The following C13orf42 variants were observed in gnomAD, a reference collection of about 807,000 sequenced individuals.
C13orf42 encodes the protein chromosome 13 open reading frame 42.
chr13:51,168,780 G>T (rs1482523315), intron 1 of C13orf42, among the ~76,000 whole-genome samples: 1 of 152,134 alleles, frequency 6.6e-6, no homozygotes, highest in African/African-American at 2.4e-5. Flanking sequence ...GGATCATGGG[G>T]GCAGACTTTC....
chr13:51,095,595 T>C (rs1054614947), intron 1 of C13orf42, among the ~76,000 whole-genome samples: 1 of 152,058 alleles, frequency 6.6e-6, no homozygotes, highest in African/African-American at 2.4e-5. Flanking sequence ...TTTGGACCCA[T>C]CTTCAAGTCT....
chr13:51,090,896 C>A (rs1417664604), intron 1 of C13orf42, among the ~76,000 whole-genome samples: 1 of 152,200 alleles, frequency 6.6e-6, no homozygotes, highest in Non-Finnish European at 1.5e-5. Context: ...AAAACATTAG[C>A]ATAGAAATCA....
chr13:51,146,899 G>A (rs2138034932), intron 1 of C13orf42, among the ~76,000 whole-genome samples: 1 of 152,222 alleles, frequency 6.6e-6, no homozygotes, highest in East Asian at 1.9e-4. Flanking sequence ...CTCTATCTCA[G>A]TGTCTGTCTG....
intron 1 of C13orf42, among the ~76,000 whole-genome samples, chr13:51,153,015 T>C (rs953974105): frequency 1.3e-5 from 2 of 152,206 alleles, no homozygotes; most frequent in Non-Finnish European, 2.9e-5. Flanking sequence ...GGGGACTGTA[T>C]ACAGTGCACT....
chr13:51,119,196 C>T (rs1465390273), intron 1 of C13orf42, among the ~76,000 whole-genome samples: 2 of 151,970 alleles, frequency 1.3e-5, no homozygotes, highest in Non-Finnish European at 2.9e-5. Context: ...GTGTATGGCA[C>T]GCCCTGTGGC....
At chr13:51,112,897 G>C (rs1482558417), upstream of C13orf42, among the ~76,000 whole-genome samples, 1 of 152,056 alleles carries the variant, frequency 6.6e-6, no homozygotes, top group Non-Finnish European at 1.5e-5. Flanking sequence ...GTATCCAGGG[G>C]AAGTCTCTCT....
chr13:51,169,735 C>T (rs1310380820), intron 1 of C13orf42, among the ~76,000 whole-genome samples: 1 of 152,230 alleles, frequency 6.6e-6, no homozygotes, highest in South Asian at 2.1e-4. Context: ...TAAGCCTTGG[C>T]AGCTTCCATG....
At chr13:51,129,676 C>T (rs750434913) in intron 1 of C13orf42, among the ~76,000 whole-genome samples, 22 of 152,104 alleles carry the variant, frequency 1.4e-4, no homozygotes, top group Admixed American at 7.9e-4. Flanking sequence ...TGTTTATCTC[C>T]TCTATAAAGT....
At chr13:51,104,141 G>A (rs142061350) in intron 1 of C13orf42, among the ~76,000 whole-genome samples, 115 of 152,240 alleles carry the variant, frequency 7.6e-4, no homozygotes, top group African/African-American at 2.7e-3. Flanking sequence ...GAGGGTCCAC[G>A]ATCTTTTAAG....
rs559225209 is a variant in C13orf42 at position 51,161,805 on chromosome 13, C to T, written n.136+10448G>A. 17 of 338,928 alleles carry T rather than the reference C, an allele frequency of 5.0e-5. No homozygotes were observed. The East Asian group carries it at 1.0e-3, about 20-fold the overall frequency. The allele number at this position is 338,928 out of a possible 1,614,324, so 21.0% of individuals were successfully genotyped here. ...GATTTCAGAACCATAACCAGGGAAT[C>T]GTTAGGCACTGTGAGGGATAGAGAA... On this transcript the variant is annotated intron_variant and non_coding_transcript_variant, in intron 1 of 4. Coordinates refer to the C13orf42 transcript ENST00000433280.
chr13:51,086,183 C>T (rs1953122906), intron 2 of C13orf42, among the ~76,000 whole-genome samples: 1 of 151,694 alleles, frequency 6.6e-6, no homozygotes, highest in African/African-American at 2.4e-5. Flanking sequence ...GGTGAGCGCC[C>T]GTAGTCCCAG....
intron 2 of C13orf42, among the ~76,000 whole-genome samples, chr13:51,086,164 G>A (rs991524033): frequency 6.6e-5 from 10 of 151,984 alleles, no homozygotes; most frequent in African/African-American, 1.4e-4. Context: ...AAAATTAGCC[G>A]GGCGTGGTGG....
In C13orf42 at chr13:51,095,426, AC is replaced by A. The variant is rs572744949; in HGVS notation, c.415-7352del. 3.3e-5 allele frequency among the ~76,000 whole-genome samples: 5 copies of A among 150,306 alleles called. No homozygotes were observed. The South Asian group carries it at 1.1e-3, about 32-fold the overall frequency. On this transcript the variant is annotated intron_variant, in intron 1 of 3. Coordinates refer to ENST00000563710, the MANE Select transcript of C13orf42 (RefSeq NM_001351589.3). ...CATTGTTCCCTCAAATATTTCTCATACCCCCCTCTCTATTTCTTCTTCTCTG... is the reference window on the plus strand; with the variant it reads ...CATTGTTCCCTCAAATATTTCTCATACCCCCTCTCTATTTCTTCTTCTCTG...
At chr13:51,092,462 C>T (rs1953189868) in intron 1 of C13orf42, among the ~76,000 whole-genome samples, 1 of 151,936 alleles carries the variant, frequency 6.6e-6, no homozygotes, top group Non-Finnish European at 1.5e-5. Flanking sequence ...GATCTAGGCA[C>T]CTGAGAAAAA....
intron 1 of C13orf42, among the ~76,000 whole-genome samples, chr13:51,142,605 A>G (rs112977681): frequency 6.7e-6 from 1 of 150,058 alleles, no homozygotes; most frequent in Non-Finnish European, 1.5e-5. Flanking sequence ...TAAAAAAAAA[A>G]AAAGAAAGAA....
chr13:51,115,955 G>A (rs1953486808), upstream of C13orf42, among the ~76,000 whole-genome samples: 1 of 152,100 alleles, frequency 6.6e-6, no homozygotes, highest in African/African-American at 2.4e-5. Flanking sequence ...AGTTCCCTGG[G>A]GAAAGAGCAG....
chr13:51,145,828 T>A (rs146339309), intron 1 of C13orf42, among the ~76,000 whole-genome samples: 1,717 of 152,308 alleles, frequency 0.011, 39 homozygotes, highest in African/African-American at 0.038. Context: ...ACCGAACCAA[T>A]GTACTTCTAA....
intron 1 of C13orf42, among the ~76,000 whole-genome samples, chr13:51,145,482 G>C (rs1428762840): frequency 2.0e-5 from 3 of 152,160 alleles, no homozygotes; most frequent in Admixed American, 2.0e-4. Context: ...GAGATCAGAT[G>C]AAACCTGAGA....
At chr13:51,085,243 G>C in intron 3 of C13orf42, 76 bp downstream of exon 3, 1 of 390,268 alleles carries the variant, frequency 2.6e-6, no homozygotes, top group Non-Finnish European at 4.5e-6. Context: ...TGGGGCTGGA[G>C]GCACCTTAAG....
Sources: gnomAD v4.1 joint callset for allele counts (sites outside exome capture counted in the v4.1 genomes callset) on GRCh38, gnomAD v4.1.1 for gene constraint, MANE v1.5 for transcripts, NCBI Gene and HGNC (gene_info 2026-07-23, HGNC 2026-07-21) for gene names.